FRMPD1: variants seen among roughly 807,000 people sequenced by gnomAD.
FRMPD1 encodes the protein FERM and PDZ domain containing 1, also known as FERM and PDZ domain-containing protein 1.
In FRMPD1, 76 loss-of-function variants were observed where a neutral mutation model predicts 117.8. That is an observed-to-expected ratio of 0.65 (90% confidence interval 0.54 to 0.78). FRMPD1 has a LOEUF of 0.78. Ranked by LOEUF, FRMPD1 falls within the 30% of genes least tolerant of loss-of-function variation. The probability of loss-of-function intolerance (pLI) is 0.00; values close to 1 mark genes in which losing one functional copy is unlikely to be tolerated. For synonymous variants in FRMPD1, 783 were observed against 770.4 expected (o/e 1.02, Z -0.27); for missense variants, 1,786 against 1,964.5 (o/e 0.91, Z 1.72).
intron 1 of FRMPD1, among the ~76,000 whole-genome samples, chr9:37,655,070 C>G (rs1321688190): frequency 6.6e-6 from 1 of 152,186 alleles, no homozygotes; most frequent in South Asian, 2.1e-4. Context: ...GCCCTGGTAC[C>G]AAAATACTGG....
chr9:37,727,067 G>GT (rs1290583492), intron 7 of FRMPD1, among the ~76,000 whole-genome samples: 1 of 152,222 alleles, frequency 6.6e-6, no homozygotes, highest in East Asian at 1.9e-4. Flanking sequence ...AGTTTGACAA[G>GT]TGTGTGGGGC....
intron 1 of FRMPD1, among the ~76,000 whole-genome samples, chr9:37,651,542 G>A (rs891427746): frequency 2.6e-5 from 4 of 152,196 alleles, no homozygotes; most frequent in Admixed American, 2.6e-4. Flanking sequence ...TTGAGTAGAG[G>A]GGCATCCCTG....
the FRMPD1 span, among the ~76,000 whole-genome samples, chr9:37,615,727 T>C: frequency 2.8e-4 from 43 of 152,156 alleles, no homozygotes; most frequent in African/African-American, 1.0e-3. Context: ...ATTGTCGGGA[T>C]TTCCCAAACT....
the FRMPD1 span, among the ~76,000 whole-genome samples, chr9:37,603,390 C>T: frequency 2.0e-5 from 3 of 152,102 alleles, no homozygotes; most frequent in African/African-American, 7.2e-5. Context: ...TTTGGGTTAG[C>T]AGGCACCATG....
At chr9:37,612,658 A>C in the FRMPD1 span, among the ~76,000 whole-genome samples, 3 of 151,808 alleles carry the variant, frequency 2.0e-5, no homozygotes, top group Non-Finnish European at 4.4e-5. Flanking sequence ...AGCTGGGATA[A>C]TTTTTGTATT....
At chr9:37,650,003 A>G (rs1820616850), upstream of FRMPD1, among the ~76,000 whole-genome samples, 1 of 152,140 alleles carries the variant, frequency 6.6e-6, no homozygotes, top group African/African-American at 2.4e-5. Flanking sequence ...GCCTTCACTC[A>G]GTCAGTGCAG....
At chr9:37,722,470 T>G (rs556326199) in intron 6 of FRMPD1, among the ~76,000 whole-genome samples, 1 of 151,992 alleles carries the variant, frequency 6.6e-6, no homozygotes, top group East Asian at 1.9e-4. Flanking sequence ...TGCAGTGGTG[T>G]GATCTCGGCT....
At chr9:37,712,124 C>T (rs981117891) in intron 5 of FRMPD1, among the ~76,000 whole-genome samples, 3 of 152,028 alleles carry the variant, frequency 2.0e-5, no homozygotes, top group African/African-American at 7.3e-5. Flanking sequence ...TTTAATTGAC[C>T]ACATACCAGG....
intron 2 of FRMPD1, among the ~76,000 whole-genome samples, chr9:37,704,664 A>G (rs1295507193): frequency 6.6e-6 from 1 of 151,952 alleles, no homozygotes; most frequent in Non-Finnish European, 1.5e-5. Context: ...AGATATATAT[A>G]TATATATAAT....
chr9:37,660,872 T>C (rs915160190), intron 1 of FRMPD1, among the ~76,000 whole-genome samples: 12 of 152,298 alleles, frequency 7.9e-5, no homozygotes, highest in African/African-American at 2.6e-4. Context: ...GGGTACAGTG[T>C]TGACCGATGA....
At chr9:37,638,215 A>G in the FRMPD1 span, among the ~76,000 whole-genome samples, 3 of 151,798 alleles carry the variant, frequency 2.0e-5, no homozygotes, top group Admixed American at 6.6e-5. Flanking sequence ...CTGGGATTAC[A>G]GGCATGGGCC....
At position 37,746,653 on chromosome 9, in the gene FRMPD1, A is replaced by C. The variant is rs1233020139; in HGVS notation, c.4621A>C (p.Thr1541Pro). Residue 1541 changes from threonine (T) to proline (P), a missense_variant, in exon 16 of 16, where the codon ACC becomes CCC. By Grantham distance (38) the Thr-to-Pro change is conservative. Coordinates refer to ENST00000377765, the MANE Select transcript of FRMPD1 (RefSeq NM_014907.3). ...TCAGTTTATAGAGGCTGCTAAATCG[A>C]CCTGCGAGAGAGGCTACCACGACCT... ...YHQFIEAAKS[T>P]CERGYHDLSV... is the part of the protein sequence containing the mutation. 6.2e-7 allele frequency: 1 copy of C among 1,613,914 alleles called. No individual in the cohort carries two copies. The highest frequency in any genetic ancestry group is 1.3e-5 in the African/African-American group (1 of 74,926).
At chr9:37,685,638 C>A (rs907929114) in intron 1 of FRMPD1, among the ~76,000 whole-genome samples, 1 of 151,362 alleles carries the variant, frequency 6.6e-6, no homozygotes. Flanking sequence ...GGCGAGAAAG[C>A]GAGACTCCGT....
chr9:37,740,275 G>A lies in FRMPD1; in HGVS notation c.1747G>A (p.Asp583Asn). 2 of 1,613,890 alleles carry A rather than the reference G, an allele frequency of 1.2e-6. No individual in the cohort carries two copies. Among genetic ancestry groups the A allele is most frequent in the Non-Finnish European group, 8.5e-7 (1 of 1,180,004 alleles). ...CACCTGCGGGGCCAGCAGCACGACA[G>A]ACAGTGCCGAGTCCGAGGCGTCCGA... ...PSTCGASSTT[D>N]SAESEASDSA... The change falls in exon 15 of 16, where the codon GAC becomes AAC. Residue 583 changes from aspartate (D) to asparagine (N), a missense_variant. Asp to Asn is a conservative substitution (Grantham distance 23). Transcript: ENST00000377765. The surrounding 1 kb of genome is among the most constrained non-coding windows in gnomAD (Gnocchi z 4.2).
At chr9:37,659,915 T>TAAAAAAA (rs36016239) in intron 1 of FRMPD1, among the ~76,000 whole-genome samples, 1 of 103,614 alleles carries the variant, frequency 9.7e-6, no homozygotes, top group African/African-American at 3.5e-5. Context: ...TTTCAAGCAC[T>TAAAAAAA]AAAAAAAAAA....
At chr9:37,615,597 A>G in the FRMPD1 span, among the ~76,000 whole-genome samples, 4 of 152,154 alleles carry the variant, frequency 2.6e-5, no homozygotes, top group Non-Finnish European at 5.9e-5. Context: ...TCTCAAGGAC[A>G]ATCTCATTTC....
At chr9:37,653,172 C>A (rs1351793534) in intron 1 of FRMPD1, among the ~76,000 whole-genome samples, 1 of 152,084 alleles carries the variant, frequency 6.6e-6, no homozygotes, top group Non-Finnish European at 1.5e-5. Context: ...GAGTATTGGG[C>A]CTCCGAGCGT....
chr9:37,611,630 C>T, the FRMPD1 span, among the ~76,000 whole-genome samples: 1 of 151,986 alleles, frequency 6.6e-6, no homozygotes. Flanking sequence ...GGAGCAAATC[C>T]CACTACAATA....
At chr9:37,743,646 C>CT (rs762280822) in intron 15 of FRMPD1, among the ~76,000 whole-genome samples, 11 of 146,050 alleles carry the variant, frequency 7.5e-5, no homozygotes, top group African/African-American at 2.3e-4. Context: ...CCAGCAGACT[C>CT]TAACCATTGG....
Sources: gnomAD v4.1 joint callset for allele counts (sites outside exome capture counted in the v4.1 genomes callset) on GRCh38, gnomAD v4.1.1 for gene constraint, Gnocchi (gnomAD v3.1) non-coding constraint, MANE v1.5 for transcripts, NCBI Gene and HGNC (gene_info 2026-07-23, HGNC 2026-07-21) for gene names.